The following TGFB3 variants were observed in gnomAD, a reference collection of about 807,000 sequenced individuals.
TGFB3 encodes transforming growth factor beta 3, also known as transforming growth factor beta-3 proprotein.
TGFB3 carries 5 observed loss-of-function variants against 40.1 expected under a neutral mutation model. That is an observed-to-expected ratio of 0.12 (90% CI 0.07 to 0.26). The LOEUF (loss-of-function observed/expected upper bound fraction) is 0.26, where lower values mean the gene tolerates loss of function less well. Ranked by LOEUF, TGFB3 falls within the 10% of genes least tolerant of loss-of-function variation. The probability of loss-of-function intolerance (pLI) is 1.00; values close to 1 mark genes in which losing one functional copy is unlikely to be tolerated. For synonymous variants in TGFB3, 184 were observed against 205.6 expected (o/e 0.89, Z 0.90); for missense variants, 373 against 530.1 (o/e 0.70, Z 2.91).
At chr14:75,962,451 T>C (rs2035168611) in intron 5 of TGFB3, among the ~76,000 whole-genome samples, 1 of 152,132 alleles carries the variant, frequency 6.6e-6, no homozygotes, top group Non-Finnish European at 1.5e-5. Flanking sequence ...GGTTTCCAGA[T>C]CTAAATATTT....
chr14:75,970,181 T>A (rs2035271555), intron 3 of TGFB3, among the ~76,000 whole-genome samples: 2 of 152,114 alleles, frequency 1.3e-5, no homozygotes. Context: ...ATCTTGAGTA[T>A]CCCCAGCTCT....
chr14:75,960,796 C>G, intron 6 of TGFB3, 127 bp downstream of exon 6: 1 of 1,304,064 alleles, frequency 7.7e-7, no homozygotes, highest in Non-Finnish European at 1.1e-6. Context: ...GAACCTTCAC[C>G]AGAGGAATTT....
intron 3 of TGFB3, among the ~76,000 whole-genome samples, chr14:75,970,019 A>T (rs1434044972): frequency 3.9e-5 from 6 of 152,108 alleles, no homozygotes; most frequent in African/African-American, 1.2e-4. Context: ...GGGATCTTTT[A>T]AAGATGTCAA....
At chr14:75,965,424 T>C (rs778281063) in intron 4 of TGFB3, among the ~76,000 whole-genome samples, 164 bp downstream of exon 4, 1 of 152,202 alleles carries the variant, frequency 6.6e-6, no homozygotes, top group Non-Finnish European at 1.5e-5. Flanking sequence ...TTACACTCAT[T>C]GCTTTTGGGG....
intron 5 of TGFB3, among the ~76,000 whole-genome samples, chr14:75,962,235 C>T (rs2035166123): frequency 6.6e-6 from 1 of 152,206 alleles, no homozygotes; most frequent in South Asian, 2.1e-4. Context: ...ATTAAAGTCA[C>T]TGGCCAAGAT....
Position 75,979,513 on chromosome 14 carries a change from C to T in TGFB3, c.352+1029G>A, listed in dbSNP as rs139827153. On this transcript the variant is annotated intron_variant, in intron 1 of 6. Coordinates refer to ENST00000238682, the MANE Select transcript of TGFB3 (RefSeq NM_003239.5). The surrounding 1 kb of genome is among the most constrained non-coding windows in gnomAD (Gnocchi z 4.8). ...CACGAGTGGCTCACATTCCTCTTTCCTGGGCTGTCAGTTTCTCAACATCTG... is the reference window on the plus strand; with the variant it reads ...CACGAGTGGCTCACATTCCTCTTTCTTGGGCTGTCAGTTTCTCAACATCTG... 1.3e-5 allele frequency among the ~76,000 whole-genome samples: 2 copies of T among 152,310 alleles called. No individual in the cohort carries two copies. Among genetic ancestry groups the T allele is most frequent in the East Asian group, 3.9e-4 (2 of 5,178 alleles).
Position 75,981,097 on chromosome 14 carries a change from G to A in TGFB3, c.-204C>T, listed in dbSNP as rs1269928019. ...CTGGCAACCCTGAGGACGAAGAAGCGGACTGTGTGCCTTGTAGCGCTGGGA... is the reference window on the plus strand; with the variant it reads ...CTGGCAACCCTGAGGACGAAGAAGCAGACTGTGTGCCTTGTAGCGCTGGGA... On this transcript the variant is annotated 5_prime_UTR_variant, in exon 1 of 7. Transcript: ENST00000238682. This position sits in a 1 kb window ranked among gnomAD's most constrained non-coding sequence, Gnocchi z 4.7. 20 of 619,624 alleles carry A rather than the reference G, an allele frequency of 3.2e-5. No homozygotes were observed. The highest frequency in any genetic ancestry group is 1.5e-4 in the South Asian group (8 of 53,986). 38.4% of individuals were successfully genotyped at this position (619,624 alleles called of 1,614,324 possible).
intron 1 of TGFB3, among the ~76,000 whole-genome samples, chr14:75,977,688 G>A (rs2035371149): frequency 6.6e-6 from 1 of 150,470 alleles, no homozygotes; most frequent in South Asian, 2.1e-4. Context: ...CAGAGCTAAG[G>A]AAGAACAAAT....
In TGFB3 at chr14:75,971,081, G is replaced by A; in HGVS notation, c.646+45C>T. On this transcript the variant is annotated intron_variant, in intron 3 of 6. Coordinates refer to ENST00000238682, the MANE Select transcript of TGFB3 (RefSeq NM_003239.5). The surrounding 1 kb of genome is among the most constrained non-coding windows in gnomAD (Gnocchi z 4.5). Reference sequence around the variant, plus strand: ...CCCTCCATTTCATGGAGGACTAAGGGACCTGAGGTTCATTCTGAAATGCTT... The same window carrying A: ...CCCTCCATTTCATGGAGGACTAAGGAACCTGAGGTTCATTCTGAAATGCTT... 1 of 1,611,032 alleles carries A rather than the reference G, an allele frequency of 6.2e-7. No individual in the cohort carries two copies. Among genetic ancestry groups the A allele is most frequent in the South Asian group, 1.1e-5 (1 of 90,838 alleles).
In TGFB3 at chr14:75,958,778, G is replaced by T; in HGVS notation, c.*409C>A. 3.1e-6 allele frequency: 1 copy of T among 323,852 alleles called. No individual in the cohort carries two copies. The highest frequency in any genetic ancestry group is 2.8e-5 in the South Asian group (1 of 35,924). The allele number at this position is 323,852 out of a possible 1,614,324, so 20.1% of individuals were successfully genotyped here. A position where few individuals can be genotyped will look rare whatever the true frequency, so the allele number is the denominator to read the frequency against. The stretch of plus-strand genomic sequence containing the variant: ...TAGAGCAGATGTGGTACAGCAATGA[G>T]CAAATCCAACCTCAGATCTGAAGTG... On this transcript the variant is annotated 3_prime_UTR_variant, in exon 7 of 7. Transcript: ENST00000238682.
At chr14:75,976,029 C>T (rs545587212) in intron 1 of TGFB3, among the ~76,000 whole-genome samples, 85 of 152,314 alleles carry the variant, frequency 5.6e-4, no homozygotes, top group African/African-American at 1.9e-3. Flanking sequence ...CGGGGCAAAA[C>T]ATAAGCAAAG....
Position 75,981,428 on chromosome 14 carries a change from TAAA to T in TGFB3, c.-538_-536del. 1 of 159,512 alleles carries T rather than the reference TAAA, an allele frequency of 6.3e-6. No homozygotes were observed. Among genetic ancestry groups the T allele is most frequent in the Non-Finnish European group, 1.3e-5 (1 of 74,386 alleles). The allele number at this position is 159,512 out of a possible 1,614,324, so 9.9% of individuals were successfully genotyped here. On this transcript the variant is annotated 5_prime_UTR_variant, in exon 1 of 7. Transcript: ENST00000238682. The surrounding 1 kb of genome is among the most constrained non-coding windows in gnomAD (Gnocchi z 4.7). Reference sequence around the variant, plus strand: ...ATGGAAAAGAAAAGGGAAAAAAAAGTAAAAAAAAAAAGATCACCAGTGAGTAGG... The same window carrying T: ...ATGGAAAAGAAAAGGGAAAAAAAAGTAAAAAAAAGATCACCAGTGAGTAGG...
At chr14:75,967,090 C>A (rs1399147829) in intron 3 of TGFB3, among the ~76,000 whole-genome samples, 1 of 152,174 alleles carries the variant, frequency 6.6e-6, no homozygotes, top group Non-Finnish European at 1.5e-5. Context: ...AGGGCAAACC[C>A]CAAAAAGTCC....
At chr14:75,970,682 G>A (rs2035280565) in intron 3 of TGFB3, 1 of 164,476 alleles carries the variant, frequency 6.1e-6, no homozygotes, top group African/African-American at 3.0e-5. Context: ...AGCTCACCAT[G>A]CTCCAGCCAC....
chr14:75,968,103 A>G (rs939840450), intron 3 of TGFB3, among the ~76,000 whole-genome samples: 5 of 152,172 alleles, frequency 3.3e-5, no homozygotes, highest in Admixed American at 2.0e-4. Context: ...GTGGACTCCA[A>G]CCCACTCTGC....
In TGFB3 at chr14:75,960,983, A is replaced by G. The variant is rs778990969; in HGVS notation, c.1020T>C (p.Tyr340=). 2.5e-6 allele frequency: 4 copies of G among 1,614,274 alleles called. No homozygotes were observed. Among genetic ancestry groups the G allele is most frequent in the Admixed American group, 1.7e-5 (1 of 60,032 alleles). ...WKWVHEPKGY[Y]ANFCSGPCPY... ...GGCAAGGGCCTGAGCAGAAGTTGGC[A>G]TAGTAGCCCTTAGGTTCATGGACCC... is the stretch of plus-strand genomic sequence containing the variant. Residue 340 remains tyrosine (Y), a synonymous_variant, in exon 6 of 7, where the codon TAT becomes TAC. Transcript: ENST00000238682.
intron 1 of TGFB3, among the ~76,000 whole-genome samples, chr14:75,974,704 G>A (rs914426374): frequency 6.7e-6 from 1 of 149,358 alleles, no homozygotes; most frequent in African/African-American, 2.5e-5. Flanking sequence ...GGTCGAGGTT[G>A]CAGTGAGCTG....
At position 75,971,820 on chromosome 14, in the gene TGFB3, C is replaced by A. The variant is rs1042969357; in HGVS notation, c.353-102G>T. 2 of 1,377,264 alleles carry A rather than the reference C, an allele frequency of 1.5e-6. No individual in the cohort carries two copies. The highest frequency in any genetic ancestry group is 2.8e-5 in the African/African-American group (2 of 70,374). The allele number at this position is 1,377,264 out of a possible 1,614,324, so 85.3% of individuals were successfully genotyped here. ...CAAGTGGCCACCGTCCCGCCTGCCACCTCCCTAGAGGCTTGAGGCCTCAGA... is the reference window on the plus strand; with the variant it reads ...CAAGTGGCCACCGTCCCGCCTGCCAACTCCCTAGAGGCTTGAGGCCTCAGA... On this transcript the variant is annotated intron_variant, in intron 1 of 6. Coordinates refer to ENST00000238682, the MANE Select transcript of TGFB3 (RefSeq NM_003239.5). This position sits in a 1 kb window ranked among gnomAD's most constrained non-coding sequence, Gnocchi z 4.5.
rs115597732 is a variant in TGFB3, at chr14:75,973,226, C to T, written c.353-1508G>A. Among the ~76,000 whole-genome samples the T allele has an allele frequency of 3.9e-3, 589 of 152,264 alleles. 4 individuals carry two copies. The highest frequency in any genetic ancestry group is 0.013 in the African/African-American group (546 of 41,540). Reference sequence around the variant, plus strand: ...GGCTGGAATGAGCTTATAATCACCCCGAGGGGTTGTTGAGGAAGTCACAGA... The same window carrying T: ...GGCTGGAATGAGCTTATAATCACCCTGAGGGGTTGTTGAGGAAGTCACAGA... On this transcript the variant is annotated intron_variant, in intron 1 of 6. Coordinates refer to ENST00000238682, the MANE Select transcript of TGFB3 (RefSeq NM_003239.5).
Sources: allele counts gnomAD v4.1 joint callset (sites outside exome capture counted in the v4.1 genomes callset), GRCh38; gene constraint gnomAD v4.1.1; non-coding constraint Gnocchi (gnomAD v3.1); transcripts MANE v1.5; gene names NCBI Gene and HGNC (gene_info 2026-07-23, HGNC 2026-07-21).